The following CELF2 variants were observed in gnomAD, a reference collection of about 807,000 sequenced individuals.
The protein encoded by CELF2 is CUGBP Elav-like family member 2.
CELF2 carries 8 observed loss-of-function variants against 62.6 expected under a neutral mutation model. The ratio of observed to expected loss-of-function variants is 0.13; its 90% CI spans 0.07 to 0.23. CELF2 has a LOEUF of 0.23. Among genes scored for constraint, CELF2 ranks in the 10% least tolerant of loss-of-function variants. CELF2 has a pLI of 1.00. For missense variants in CELF2, 333 were observed against 671.0 expected, an observed-to-expected ratio of 0.50 and a Z score of 5.56; for synonymous variants, 258 against 250.0, an observed-to-expected ratio of 1.03 and a Z score of -0.30.
At chr10:11,226,473 C>T (rs2066577265) in intron 3 of CELF2, among the ~76,000 whole-genome samples, 2 of 152,196 alleles carry the variant, frequency 1.3e-5, no homozygotes, top group South Asian at 4.1e-4. Context: ...TCAGTCCTGC[C>T]CCACTCCTGC....
At position 11,255,020 on chromosome 10, in the gene CELF2, A is replaced by AGACGGCCTGCAGCAGGTGGTGTG. The variant is rs1385422375; in HGVS notation, c.404-2705_404-2683dup. On this transcript the variant is annotated intron_variant, in intron 4 of 12. Transcript: ENST00000633077. The surrounding 1 kb of genome is among the most constrained non-coding windows in gnomAD (Gnocchi z 5.5). ...CCATGTTAGTGAGCACAGGCGGTGT[A>AGACGGCCTGCAGCAGGTGGTGTG]GACGGCCTGCAGCAGGTGGTGTGGA... is the stretch of plus-strand genomic sequence containing the variant. 6.6e-6 allele frequency among the ~76,000 whole-genome samples: 1 copy of AGACGGCCTGCAGCAGGTGGTGTG among 152,144 alleles called. No individual in the cohort carries two copies. The highest frequency in any genetic ancestry group is 1.5e-5 in the Non-Finnish European group (1 of 68,030).
At position 11,165,834 on chromosome 10, in the gene CELF2, T is replaced by A; in HGVS notation, c.271+152T>A. Reference sequence around the variant, plus strand: ...GCGGCCCCTGTGCTCCAGGGGCTGCTCCCGACTCCTCCCCGCACCCCCGCC... The same window carrying A: ...GCGGCCCCTGTGCTCCAGGGGCTGCACCCGACTCCTCCCCGCACCCCCGCC... On this transcript the variant is annotated intron_variant, in intron 2 of 12. Coordinates refer to ENST00000633077, the MANE Select transcript of CELF2 (RefSeq NM_001326342.2). This position sits in a 1 kb window ranked among gnomAD's most constrained non-coding sequence, Gnocchi z 7.4. 1.4e-6 allele frequency: 1 copy of A among 704,844 alleles called. No homozygotes were observed. 43.7% of individuals were successfully genotyped at this position (704,844 alleles called of 1,614,324 possible).
chr10:10,745,352 C>T, the CELF2 span, among the ~76,000 whole-genome samples: 2 of 152,170 alleles, frequency 1.3e-5, no homozygotes, highest in African/African-American at 4.8e-5. Context: ...TATCTCCTTT[C>T]ATAGTTTTCA....
chr10:10,680,181 G>A, the CELF2 span, among the ~76,000 whole-genome samples: 7 of 152,210 alleles, frequency 4.6e-5, no homozygotes, highest in African/African-American at 1.4e-4. Context: ...ATGTATGTGC[G>A]TATGTGTATA....
intron 1 of CELF2, among the ~76,000 whole-genome samples, chr10:11,119,353 T>C (rs1747714): frequency 0.55 from 84,097 of 152,010 alleles, 23,920 homozygotes; most frequent in East Asian, 0.8. Flanking sequence ...CAGTAGATGT[T>C]CACTATCCAA....
At chr10:11,283,066 C>A (rs1384375955) in intron 8 of CELF2, among the ~76,000 whole-genome samples, 5 of 152,194 alleles carry the variant, frequency 3.3e-5, no homozygotes, top group Admixed American at 3.3e-4. Flanking sequence ...CCACACCTGG[C>A]TTATGAGCAC....
rs2064385532 is a variant in CELF2, at chr10:11,156,355, T to C, written c.75-9131T>C. ...GACTTCTCGCGTGCCGTATTAAATC[T>C]ATTCATTCAGTAAATGTGTTTTGAG... On this transcript the variant is annotated intron_variant, in intron 1 of 12. Coordinates refer to ENST00000633077, the MANE Select transcript of CELF2 (RefSeq NM_001326342.2). This position sits in a 1 kb window ranked among gnomAD's most constrained non-coding sequence, Gnocchi z 4.3. Among the ~76,000 whole-genome samples the C allele has an allele frequency of 6.6e-6, 1 of 152,206 alleles. No individual in the cohort carries two copies. The highest frequency in any genetic ancestry group is 2.4e-5 in the African/African-American group (1 of 41,460).
chr10:11,283,205 C>T (rs553754164), intron 8 of CELF2, among the ~76,000 whole-genome samples: 44 of 152,178 alleles, frequency 2.9e-4, no homozygotes, highest in African/African-American at 1.1e-3. Context: ...GCTTTGCTTT[C>T]CTGTGCTTCT....
intron 1 of CELF2, among the ~76,000 whole-genome samples, chr10:11,128,061 G>A (rs982332629): frequency 6.6e-6 from 1 of 152,192 alleles, no homozygotes; most frequent in Non-Finnish European, 1.5e-5. Context: ...TTTTGTATAA[G>A]TTGTAAGGAT....
At chr10:10,896,817 G>A (rs1330080463) in intron 1 of CELF2, among the ~76,000 whole-genome samples, 3 of 152,134 alleles carry the variant, frequency 2.0e-5, no homozygotes, top group South Asian at 4.1e-4. Context: ...CCTTGTTTCT[G>A]GTACAGATGC....
chr10:11,197,998 A>G (rs2058383755), intron 2 of CELF2, among the ~76,000 whole-genome samples: 1 of 152,240 alleles, frequency 6.6e-6, no homozygotes, highest in South Asian at 2.1e-4. Context: ...TCACCTGGTA[A>G]CCAGACCCCA....
chr10:10,577,364 TTTATTATTATTA>T, the CELF2 span, among the ~76,000 whole-genome samples: 8 of 141,424 alleles, frequency 5.7e-5, no homozygotes, highest in Admixed American at 4.2e-4. Flanking sequence ...AACAAATCTT[TTTATTATTATTA>T]TTATTATTAT....
At chr10:11,225,580 G>T (rs961977940) in intron 3 of CELF2, among the ~76,000 whole-genome samples, 1 of 152,168 alleles carries the variant, frequency 6.6e-6, no homozygotes, top group Admixed American at 6.5e-5. Context: ...GATTGTCTGG[G>T]CATCTGCTTT....
chr10:10,757,540 A>G, the CELF2 span, among the ~76,000 whole-genome samples: 1 of 152,210 alleles, frequency 6.6e-6, no homozygotes, highest in African/African-American at 2.4e-5. Flanking sequence ...ACACACATGT[A>G]TGTATGTATG....
At chr10:10,539,351 TG>T in the CELF2 span, among the ~76,000 whole-genome samples, 12 of 152,368 alleles carry the variant, frequency 7.9e-5, no homozygotes, top group African/African-American at 2.9e-4. Flanking sequence ...ACAACTGTTT[TG>T]TTTTTGCCCT....
In CELF2 at chr10:11,165,483, C is replaced by T; in HGVS notation, c.75-3C>T. 1.9e-6 allele frequency: 3 copies of T among 1,611,640 alleles called. No homozygotes were observed. Among genetic ancestry groups the T allele is most frequent in the East Asian group, 2.2e-5 (1 of 44,668 alleles). On this transcript the variant is annotated splice_region_variant and splice_polypyrimidine_tract_variant and intron_variant, in intron 1 of 12. Transcript: ENST00000633077. This position sits in a 1 kb window ranked among gnomAD's most constrained non-coding sequence, Gnocchi z 7.4. ...CTCTGGCTCCCGGTTCCGTTTTTGA[C>T]AGTAACGGCACAGCCAACAAGATGA...
At chr10:10,818,643 T>G (rs2056700739) in intron 1 of CELF2, among the ~76,000 whole-genome samples, 2 of 142,420 alleles carry the variant, frequency 1.4e-5, no homozygotes, top group South Asian at 4.8e-4. Context: ...AGCCTCCACC[T>G]CCCAGGTTCA....
intron 2 of CELF2, among the ~76,000 whole-genome samples, chr10:11,182,902 T>C (rs879771021): frequency 2.6e-5 from 4 of 152,222 alleles, no homozygotes; most frequent in Non-Finnish European, 4.4e-5. Context: ...CCTACCGCCA[T>C]TTGTGCATTC....
chr10:10,791,833 C>A, the CELF2 span, among the ~76,000 whole-genome samples: 1 of 152,066 alleles, frequency 6.6e-6, no homozygotes, highest in Non-Finnish European at 1.5e-5. Context: ...AATTTTATGG[C>A]TTTTAATCCA....
Sources: allele counts gnomAD v4.1 joint callset (sites outside exome capture counted in the v4.1 genomes callset), GRCh38; gene constraint gnomAD v4.1.1; non-coding constraint Gnocchi (gnomAD v3.1); transcripts MANE v1.5; gene names NCBI Gene and HGNC (gene_info 2026-07-23, HGNC 2026-07-21).